Variants in BPIFC observed in about 807,000 individuals in gnomAD.
BPIFC encodes the protein BPI fold-containing family C protein.
BPIFC carries 60 observed loss-of-function variants against 57.6 expected under a neutral mutation model. The ratio of observed to expected loss-of-function variants is 1.04; its 90% CI spans 0.85 to 1.29. BPIFC has a LOEUF of 1.29. Among genes scored for constraint, BPIFC ranks in the 50% most tolerant of loss-of-function variants. BPIFC has a pLI of 0.00. For synonymous variants in BPIFC, 243 were observed against 224.5 expected (o/e 1.08, Z -0.74); for missense variants, 581 against 600.5 (o/e 0.97, Z 0.34).
In BPIFC at chr22:32,447,315, G is replaced by T. The variant is rs768938273; in HGVS notation, c.271C>A (p.Pro91Thr). Reference sequence around the variant, plus strand: ...GGCACAAAAGCCAATGAGGTATTTGGAAATGAAAAGGCACTGATTTTTATA... The same window carrying T: ...GGCACAAAAGCCAATGAGGTATTTGTAAATGAAAAGGCACTGATTTTTATA... ...SNIKISAFSF[P>T]NTSLAFVPGV... is the part of the protein sequence containing the mutation. The change falls in exon 5 of 17, where the codon CCA becomes ACA. Residue 91 changes from proline to threonine, a missense_variant. By Grantham distance (38) the Pro-to-Thr change is conservative. Coordinates refer to ENST00000300399, the MANE Select transcript of BPIFC (RefSeq NM_174932.3). The T allele has an allele frequency of 6.2e-7, 1 of 1,613,766 alleles. No homozygotes were observed. Among genetic ancestry groups the T allele is most frequent in the Admixed American group, 1.7e-5 (1 of 59,892 alleles).
intron 7 of BPIFC, among the ~76,000 whole-genome samples, chr22:32,444,239 GC>G (rs1471219669): frequency 6.6e-6 from 1 of 152,102 alleles, no homozygotes; most frequent in Non-Finnish European, 1.5e-5. Context: ...AGTGCACTTT[GC>G]CAGGGACTCT....
At position 32,414,356 on chromosome 22, in the gene BPIFC, A is replaced by G; in HGVS notation, c.1471T>C (p.Trp491Arg). The G allele has an allele frequency of 6.2e-7, 1 of 1,614,010 alleles. No homozygotes were observed. The highest frequency in any genetic ancestry group is 8.5e-7 in the Non-Finnish European group (1 of 1,179,922). Residue 491 changes from tryptophan to arginine, a missense_variant, in exon 17 of 17, where the codon TGG becomes CGG. By Grantham distance (101) the Trp-to-Arg change is moderately radical (BLOSUM62 -3). Coordinates refer to ENST00000300399, the MANE Select transcript of BPIFC (RefSeq NM_174932.3). ...SSKQQPSFHV[W>R]EGLNLISRQW... ...CTGCTTATCAGGTTCAGACCTTCCC[A>G]TACGTGGAAACTTGGCTGCTGCTTT...
rs934382507 is a variant in BPIFC, at chr22:32,432,453, T to C, written c.1069A>G (p.Thr357Ala). The change falls in exon 12 of 17, where the codon ACC (threonine) becomes GCC (alanine). Residue 357 changes from threonine (T) to alanine (A), a missense_variant. Thr to Ala is a moderately conservative substitution (Grantham distance 58). Coordinates refer to ENST00000300399, the MANE Select transcript of BPIFC (RefSeq NM_174932.3). Reference protein sequence around the residue: ...PIINLQPGNFTLDIPASIMML... With the variant: ...PIINLQPGNFALDIPASIMML... ...ATGATGGAGGCAGGGATGTCCAGGG[T>C]GAAATTGCCTGGTTGTAGATTGATT... is the stretch of plus-strand genomic sequence containing the variant. The C allele has an allele frequency of 1.2e-6, 2 of 1,613,778 alleles. No individual in the cohort carries two copies. The highest frequency in any genetic ancestry group is 2.7e-5 in the African/African-American group (2 of 74,824).
intron 14 of BPIFC, among the ~76,000 whole-genome samples, chr22:32,419,033 C>T (rs745683065): frequency 5.3e-5 from 8 of 152,076 alleles, no homozygotes; most frequent in East Asian, 1.9e-4. Flanking sequence ...CTATATGTCT[C>T]GTCTATAACT....
intron 14 of BPIFC, among the ~76,000 whole-genome samples, chr22:32,418,033 C>G (rs1403636664): frequency 6.6e-6 from 1 of 151,964 alleles, no homozygotes. Context: ...TGCCTCTTGA[C>G]GTAAAAATGA....
chr22:32,461,012 G>A (rs9609560), intron 2 of BPIFC, among the ~76,000 whole-genome samples: 64,478 of 152,036 alleles, frequency 0.42, 14,606 homozygotes, highest in African/African-American at 0.58. Flanking sequence ...CAAAGTATTT[G>A]TGTACTAGTA....
intron 9 of BPIFC, among the ~76,000 whole-genome samples, chr22:32,436,379 AGAG>A (rs1386883282): frequency 3.8e-5 from 2 of 52,466 alleles, no homozygotes; most frequent in African/African-American, 1.4e-4. Context: ...AGGAGGAGGA[AGAG>A]GAGGAGGAGG....
intron 14 of BPIFC, among the ~76,000 whole-genome samples, chr22:32,418,099 A>G (rs543284347): frequency 6.6e-6 from 1 of 152,306 alleles, no homozygotes; most frequent in East Asian, 1.9e-4. Context: ...AATAACTGAA[A>G]CAGTTACTGC....
At chr22:32,436,346 AGAGGAGGAG>A (rs1216074561) in intron 9 of BPIFC, among the ~76,000 whole-genome samples, 13 of 92,686 alleles carry the variant, frequency 1.4e-4, no homozygotes, top group African/African-American at 3.1e-4. Context: ...AAGAAGAGGA[AGAGGAGGAG>A]GAGGAGGAGG....
At chr22:32,425,372 C>T (rs1217697185) in intron 13 of BPIFC, among the ~76,000 whole-genome samples, 2 of 152,112 alleles carry the variant, frequency 1.3e-5, no homozygotes, top group African/African-American at 2.4e-5. Flanking sequence ...AGGTGTTGGG[C>T]TTGGCACAGG....
chr22:32,463,239 C>T (rs1311047547), intron 1 of BPIFC, among the ~76,000 whole-genome samples: 3 of 152,148 alleles, frequency 2.0e-5, no homozygotes, highest in Admixed American at 6.5e-5. Flanking sequence ...GGAACCTTGT[C>T]AAGCAAGGTG....
At chr22:32,454,469 GCTT>G (rs1934984528) in intron 3 of BPIFC, among the ~76,000 whole-genome samples, 1 of 152,144 alleles carries the variant, frequency 6.6e-6, no homozygotes, top group Non-Finnish European at 1.5e-5. Context: ...TAACTCATCA[GCTT>G]CTTTATATGG....
chr22:32,446,681 A>G (rs1934738912), intron 5 of BPIFC: 1 of 928,456 alleles, frequency 1.1e-6, no homozygotes, highest in East Asian at 1.2e-4. Flanking sequence ...AGACCTAAAC[A>G]TTACACCCAG....
chr22:32,442,393 T>C (rs986352463), intron 8 of BPIFC, among the ~76,000 whole-genome samples: 41 of 152,134 alleles, frequency 2.7e-4, no homozygotes, highest in African/African-American at 9.4e-4. Context: ...GTAATGTCAC[T>C]GCTTGGGTTC....
rs369245764 is a variant in BPIFC at position 32,433,788 on chromosome 22, C to T, written c.925-16G>A. 3 of 1,609,880 alleles carry T rather than the reference C, an allele frequency of 1.9e-6. No homozygotes were observed. Among genetic ancestry groups the T allele is most frequent in the Non-Finnish European group, 2.6e-6 (3 of 1,176,396 alleles). On this transcript the variant is annotated splice_polypyrimidine_tract_variant and intron_variant, in intron 10 of 16. Coordinates refer to ENST00000300399, the MANE Select transcript of BPIFC (RefSeq NM_174932.3). The stretch of plus-strand genomic sequence containing the variant: ...GGTTGGAAATCTGGAAAATAAAGCC[C>T]ATTATGTCACTGTTAGGATTTTACG...
chr22:32,433,686 T>C, intron 11 of BPIFC, 33 bp downstream of exon 11: 1 of 1,602,838 alleles, frequency 6.2e-7, no homozygotes, highest in Non-Finnish European at 8.5e-7. Context: ...TGGAGCCAAA[T>C]ACACTATCAA....
At chr22:32,449,684 A>G (rs1053872656) in intron 4 of BPIFC, among the ~76,000 whole-genome samples, 6 of 151,864 alleles carry the variant, frequency 4.0e-5, no homozygotes, top group African/African-American at 1.2e-4. Context: ...TCTGTATTAT[A>G]TACAATGTCA....
chr22:32,432,749 T>A (rs529349813), intron 11 of BPIFC, among the ~76,000 whole-genome samples: 1 of 152,338 alleles, frequency 6.6e-6, no homozygotes, highest in African/African-American at 2.4e-5. Flanking sequence ...TACTACCCAC[T>A]GTGCCAGGGG....
intron 2 of BPIFC, among the ~76,000 whole-genome samples, chr22:32,461,169 C>CA (rs1487878973): frequency 6.6e-6 from 1 of 152,096 alleles, no homozygotes; most frequent in Non-Finnish European, 1.5e-5. Flanking sequence ...GGGGGACACT[C>CA]AGAGTATTGG....
Sources: allele counts gnomAD v4.1 joint callset (sites outside exome capture counted in the v4.1 genomes callset), GRCh38; gene constraint gnomAD v4.1.1; transcripts MANE v1.5; gene names NCBI Gene and HGNC (gene_info 2026-07-23, HGNC 2026-07-21).